The following TXNRD2 variants were observed in gnomAD, a reference collection of about 807,000 sequenced individuals.
The protein encoded by TXNRD2 is thioredoxin reductase 2.
Under a neutral mutation model 70.8 loss-of-function variants are expected in TXNRD2, and 67 were observed. The observed-to-expected ratio is 0.95, with a 90% CI of 0.78 to 1.16. The LOEUF (loss-of-function observed/expected upper bound fraction) is 1.16. Among genes scored for constraint, TXNRD2 ranks in the 50% most tolerant of loss-of-function variants. TXNRD2 has a pLI of 0.00. For synonymous variants in TXNRD2, 301 were observed against 295.8 expected (o/e 1.02, Z -0.18); for missense variants, 644 against 719.9 (o/e 0.89, Z 1.21).
chr22:19,890,547 A>G (rs1939219857), intron 11 of TXNRD2, among the ~76,000 whole-genome samples: 1 of 152,032 alleles, frequency 6.6e-6, no homozygotes, highest in South Asian at 2.1e-4. Flanking sequence ...CCCTGAGAGC[A>G]GTCCTGATGG....
chr22:19,911,786 G>A (rs1312396074), intron 7 of TXNRD2, among the ~76,000 whole-genome samples: 2 of 152,170 alleles, frequency 1.3e-5, no homozygotes, highest in East Asian at 3.8e-4. Context: ...AGACAGCTGG[G>A]ACCCCTCAAG....
chr22:19,925,139 A>C (rs142944462), intron 2 of TXNRD2, among the ~76,000 whole-genome samples: 4,710 of 151,462 alleles, frequency 0.031, 308 homozygotes, highest in African/African-American at 0.1. Context: ...AAAAAATTAG[A>C]CGGGCATGGT....
intron 7 of TXNRD2, 72 bp from the exon 8 acceptor site, chr22:19,911,519 G>T: frequency 8.5e-7 from 1 of 1,180,264 alleles, no homozygotes; most frequent in Non-Finnish European, 1.3e-6. Flanking sequence ...TAAAGAGGAT[G>T]CCAGCTTTGC....
intron 12 of TXNRD2, chr22:19,881,250 C>A: frequency 2.5e-6 from 1 of 397,694 alleles, no homozygotes; most frequent in Non-Finnish European, 4.4e-6. Context: ...GGGGTTCCAG[C>A]ACCGTCCTCT....
At chr22:19,941,274 G>A (rs1569120855) in intron 1 of TXNRD2, among the ~76,000 whole-genome samples, 1 of 152,184 alleles carries the variant, frequency 6.6e-6, no homozygotes. Flanking sequence ...AGGGGCTCCA[G>A]GAGGACGAGT....
At chr22:19,889,102 G>A (rs372570227) in intron 11 of TXNRD2, among the ~76,000 whole-genome samples, 4 of 152,070 alleles carry the variant, frequency 2.6e-5, no homozygotes, top group Admixed American at 6.5e-5. Flanking sequence ...CCCCTAGGCC[G>A]TTCCAGGGAT....
chr22:19,886,180 C>T (rs1939022190), intron 11 of TXNRD2, among the ~76,000 whole-genome samples: 1 of 152,230 alleles, frequency 6.6e-6, no homozygotes, highest in Non-Finnish European at 1.5e-5. Flanking sequence ...CTGAGGAGGG[C>T]AGCCGAGGGC....
At position 19,912,973 on chromosome 22, in the gene TXNRD2, G is replaced by A. The variant is rs539632429; in HGVS notation, c.592-1526C>T. On this transcript the variant is annotated intron_variant, in intron 7 of 17. Coordinates refer to ENST00000400521, the MANE Select transcript of TXNRD2 (RefSeq NM_006440.5). ...GTGTGGCCTCCAGGCCGAGAGAGCCGTGGTCTTCAAGAGCTTGGCTGCAGC... is the reference window on the plus strand; with the variant it reads ...GTGTGGCCTCCAGGCCGAGAGAGCCATGGTCTTCAAGAGCTTGGCTGCAGC... Among the ~76,000 whole-genome samples, 31 of 152,346 alleles carry A rather than the reference G, an allele frequency of 2.0e-4. No homozygotes were observed. The Middle Eastern group carries it at 0.01, about 50-fold the overall frequency.
chr22:19,928,414 G>A (rs142084639), intron 2 of TXNRD2, among the ~76,000 whole-genome samples: 177 of 152,256 alleles, frequency 1.2e-3, no homozygotes, highest in Non-Finnish European at 1.9e-3. Flanking sequence ...ATCGACACTC[G>A]CGCCAACGAA....
At chr22:19,888,427 G>A (rs1270357691) in intron 11 of TXNRD2, among the ~76,000 whole-genome samples, 3 of 152,202 alleles carry the variant, frequency 2.0e-5, no homozygotes, top group Non-Finnish European at 4.4e-5. Flanking sequence ...ACGGCCAGCC[G>A]CATGCAGTAT....
At chr22:19,888,998 C>T (rs1216050172) in intron 11 of TXNRD2, among the ~76,000 whole-genome samples, 1 of 151,602 alleles carries the variant, frequency 6.6e-6, no homozygotes, top group Non-Finnish European at 1.5e-5. Context: ...CAGGTCCCAT[C>T]GAGACGCCAT....
At position 19,941,655 on chromosome 22, in the gene TXNRD2, C is replaced by T. The variant is rs1941720792; in HGVS notation, c.103+46G>A. ...CGCGGACACCCTCACGAGGACACCCCGGCCGCGCGGACACCTACCGCGGGG... is the reference window on the plus strand; with the variant it reads ...CGCGGACACCCTCACGAGGACACCCTGGCCGCGCGGACACCTACCGCGGGG... On this transcript the variant is annotated intron_variant, in intron 1 of 17. Coordinates refer to ENST00000400521, the MANE Select transcript of TXNRD2 (RefSeq NM_006440.5). 2.8e-6 allele frequency: 4 copies of T among 1,425,030 alleles called. No homozygotes were observed. In the Admixed American group the frequency reaches 9.0e-5, roughly 32 times the overall value. The allele number at this position is 1,425,030 out of a possible 1,614,324, so 88.3% of individuals were successfully genotyped here.
chr22:19,915,868 A>T, intron 5 of TXNRD2, 25 bp from the exon 6 acceptor site: 1 of 1,602,812 alleles, frequency 6.2e-7, no homozygotes. Flanking sequence ...TAAGATTTTC[A>T]AACACTTCCT....
rs200942544 is a variant in TXNRD2, at chr22:19,919,551, G to C, written c.221C>G (p.Ser74Cys). The change falls in exon 3 of 18, where the codon TCT (serine) becomes TGT (cysteine). Residue 74 changes from serine (S) to cysteine (C), a missense_variant. Ser to Cys is a moderately radical substitution (Grantham distance 112). Around this residue, in one of 3 missense-constraint regions of TXNRD2, gnomAD observed 566 missense variants for 645.0 expected, o/e 0.88. Coordinates refer to ENST00000400521, the MANE Select transcript of TXNRD2 (RefSeq NM_006440.5). ...KVAVVDYVEP[S>C]PQGTRWGLGG... Reference sequence around the variant, plus strand: ...CATAGGGTGCTGCCTACCTTGGGGAGAAGGTTCCACGTAGTCCACCACGGC... The same window carrying C: ...CATAGGGTGCTGCCTACCTTGGGGACAAGGTTCCACGTAGTCCACCACGGC... The C allele has an allele frequency of 2.3e-4, 359 of 1,561,368 alleles. No individual in the cohort carries two copies. The highest frequency in any genetic ancestry group is 2.9e-4 in the Non-Finnish European group (330 of 1,153,460).
intron 8 of TXNRD2, among the ~76,000 whole-genome samples, chr22:19,900,515 C>T (rs1939725411): frequency 6.6e-6 from 1 of 152,162 alleles, no homozygotes; most frequent in Non-Finnish European, 1.5e-5. Flanking sequence ...CTTTGGGAGG[C>T]CGAAGCAGGC....
chr22:19,892,898 TC>T (rs1939330155), intron 11 of TXNRD2, among the ~76,000 whole-genome samples: 1 of 152,226 alleles, frequency 6.6e-6, no homozygotes, highest in African/African-American at 2.4e-5. Context: ...GTAGTGTTTA[TC>T]ATAATAAACT....
intron 5 of TXNRD2, among the ~76,000 whole-genome samples, chr22:19,916,979 C>T (rs1940666695): frequency 6.6e-6 from 1 of 152,212 alleles, no homozygotes; most frequent in South Asian, 2.1e-4. Context: ...CTGCTTGAGC[C>T]TGCCTTCTCC....
At chr22:19,907,135 G>A (rs1427838826) in intron 8 of TXNRD2, among the ~76,000 whole-genome samples, 5 of 115,542 alleles carry the variant, frequency 4.3e-5, no homozygotes, top group Non-Finnish European at 8.9e-5. Flanking sequence ...GAGAGTGTGG[G>A]CACCATGGGT....
intron 12 of TXNRD2, chr22:19,881,472 G>A (rs956921232): frequency 1.7e-5 from 3 of 177,578 alleles, no homozygotes; most frequent in Admixed American, 1.3e-4. Context: ...CTTCCCAGCC[G>A]CTCAAGGGAC....
Sources: gnomAD v4.1 joint callset for allele counts (sites outside exome capture counted in the v4.1 genomes callset) on GRCh38, gnomAD v4.1.1 for gene constraint, gnomAD v4.1.1 regional missense constraint, MANE v1.5 for transcripts, NCBI Gene and HGNC (gene_info 2026-07-23, HGNC 2026-07-21) for gene names.